Variants in NECTIN1 observed in about 807,000 individuals in gnomAD.
NECTIN1 encodes the protein nectin cell adhesion molecule 1.
Under a neutral mutation model 48.0 loss-of-function variants are expected in NECTIN1, and 23 were observed. The observed-to-expected ratio is 0.48, with a 90% CI of 0.34 to 0.68. The LOEUF (loss-of-function observed/expected upper bound fraction) is 0.68, where lower values mean the gene tolerates loss of function less well. Among genes scored for constraint, NECTIN1 ranks in the 30% least tolerant of loss-of-function variants. NECTIN1 has a pLI of 0.01. For synonymous variants in NECTIN1, 270 were observed against 288.9 expected (o/e 0.93, Z 0.66); for missense variants, 591 against 709.9 (o/e 0.83, Z 1.90).
intron 4 of NECTIN1, chr11:119,676,829 T>C (rs1864959011): frequency 6.0e-6 from 3 of 503,674 alleles, no homozygotes; most frequent in South Asian, 2.1e-5. Context: ...ACGACAAAAC[T>C]CTTTATTAGG....
chr11:119,701,567 A>G (rs1393808001), intron 1 of NECTIN1, among the ~76,000 whole-genome samples: 1 of 150,434 alleles, frequency 6.6e-6, no homozygotes, highest in Non-Finnish European at 1.5e-5. Flanking sequence ...TGGGGTTGGT[A>G]TTGTGGGGAG....
At chr11:119,681,742 G>A (rs1284648417) in intron 1 of NECTIN1, among the ~76,000 whole-genome samples, 2 of 152,204 alleles carry the variant, frequency 1.3e-5, no homozygotes, top group African/African-American at 4.8e-5. Flanking sequence ...GCAACCACAT[G>A]GTGGGGAAGT....
chr11:119,716,808 G>A (rs182420245), intron 1 of NECTIN1, among the ~76,000 whole-genome samples: 143 of 152,372 alleles, frequency 9.4e-4, no homozygotes, highest in Non-Finnish European at 6.2e-4. Context: ...GTGTGTGGGA[G>A]AAGATGGCGA....
Position 119,678,486 on chromosome 11 carries a change from C to T in NECTIN1, c.359G>A (p.Gly120Asp), listed in dbSNP as rs1389313822. ...GGTAGCAAACTCGCAGATGTAGACA[C>T]CCTCATCCTCCAGCTCCAGGCGGGA... ...RLSRLELEDE[G>D]VYICEFATFP... The change falls in exon 2 of 6, where the codon GGT becomes GAT. Residue 120 changes from glycine to aspartate, a missense_variant. Coordinates refer to ENST00000264025, the MANE Select transcript of NECTIN1 (RefSeq NM_002855.5). This position sits in a 1 kb window ranked among gnomAD's most constrained non-coding sequence, Gnocchi z 4.4. 2 of 1,614,234 alleles carry T rather than the reference C, an allele frequency of 1.2e-6. No individual in the cohort carries two copies. Among genetic ancestry groups the T allele is most frequent in the Admixed American group, 1.7e-5 (1 of 60,034 alleles).
At chr11:119,685,511 C>G (rs914608995) in intron 1 of NECTIN1, among the ~76,000 whole-genome samples, 1 of 152,224 alleles carries the variant, frequency 6.6e-6, no homozygotes, top group Non-Finnish European at 1.5e-5. Context: ...AGTCCCACCT[C>G]CCTCCAGCAG....
At chr11:119,706,352 G>A (rs1424259802) in intron 1 of NECTIN1, among the ~76,000 whole-genome samples, 1 of 152,208 alleles carries the variant, frequency 6.6e-6, no homozygotes, top group South Asian at 2.1e-4. Flanking sequence ...ATCCCACAGT[G>A]GGGAGGGCCA....
At chr11:119,648,547 C>T (rs1864446764) in intron 5 of NECTIN1, among the ~76,000 whole-genome samples, 1 of 150,466 alleles carries the variant, frequency 6.6e-6, no homozygotes, top group Non-Finnish European at 1.5e-5. Context: ...CAGCACCCAG[C>T]AGGACAGCTG....
intron 6 of NECTIN1, chr11:119,638,856 C>T (rs748491349): frequency 2.7e-6 from 4 of 1,505,342 alleles, no homozygotes; most frequent in South Asian, 1.1e-5. Flanking sequence ...CATGGGGGCT[C>T]TCCCCATCAG....
At chr11:119,694,824 C>T (rs188048422) in intron 1 of NECTIN1, among the ~76,000 whole-genome samples, 1 of 152,284 alleles carries the variant, frequency 6.6e-6, no homozygotes, top group African/African-American at 2.4e-5. Context: ...CTGCTGCCCC[C>T]CCAGGCATCT....
At chr11:119,708,636 T>A (rs10892438) in intron 1 of NECTIN1, among the ~76,000 whole-genome samples, 90,534 of 149,942 alleles carry the variant, frequency 0.6, 28,354 homozygotes, top group African/African-American at 0.74. Context: ...GGGGAGTGAC[T>A]GCTAATGAAT....
rs941598678 is a variant in NECTIN1, at chr11:119,678,464, A to G, written c.381T>C (p.Ala127=). 2.5e-6 allele frequency: 4 copies of G among 1,614,136 alleles called. No homozygotes were observed. The Admixed American group carries it at 6.7e-5, about 27-fold the overall frequency. ...TTTCTCGATTGCCCGTAGGGAAGGTAGCAAACTCGCAGATGTAGACACCCT... is the reference window on the plus strand; with the variant it reads ...TTTCTCGATTGCCCGTAGGGAAGGTGGCAAACTCGCAGATGTAGACACCCT... ...EDEGVYICEF[A]TFPTGNRESQ... Residue 127 remains alanine (A), a synonymous_variant, in exon 2 of 6, where the codon GCT becomes GCC. Transcript: ENST00000264025. The surrounding 1 kb of genome is among the most constrained non-coding windows in gnomAD (Gnocchi z 4.4).
At chr11:119,700,109 C>T (rs1252222764) in intron 1 of NECTIN1, among the ~76,000 whole-genome samples, 1 of 152,178 alleles carries the variant, frequency 6.6e-6, no homozygotes, top group Admixed American at 6.5e-5. Context: ...ATGTCTCCTG[C>T]TGGGGTGAGG....
chr11:119,647,161 A>ATGTGTGTG (rs58590467), intron 5 of NECTIN1, among the ~76,000 whole-genome samples: 2,158 of 84,648 alleles, frequency 0.025, 175 homozygotes, highest in Admixed American at 0.031. Context: ...CTTGCGGCGC[A>ATGTGTGTG]TGTGTGTGTG....
At position 119,664,590 on chromosome 11, in the gene NECTIN1, C is replaced by A; in HGVS notation, c.*157G>T. The A allele has an allele frequency of 6.9e-7, 1 of 1,439,616 alleles. No homozygotes were observed. The allele number at this position is 1,439,616 out of a possible 1,614,324, so 89.2% of individuals were successfully genotyped here. A position where few individuals can be genotyped will look rare whatever the true frequency, so the allele number is the denominator to read the frequency against. Reference sequence around the variant, plus strand: ...AAAACACAAAGCCAAGTCGTGGCTGCCCTGGGCTCCCCTGGCCCCCCAGGA... The same window carrying A: ...AAAACACAAAGCCAAGTCGTGGCTGACCTGGGCTCCCCTGGCCCCCCAGGA... On this transcript the variant is annotated 3_prime_UTR_variant, in exon 6 of 6. Coordinates refer to ENST00000264025, the MANE Select transcript of NECTIN1 (RefSeq NM_002855.5).
intron 5 of NECTIN1, among the ~76,000 whole-genome samples, chr11:119,652,597 T>C (rs1198800305): frequency 1.3e-5 from 2 of 152,218 alleles, no homozygotes; most frequent in South Asian, 2.1e-4. Flanking sequence ...TCAACATCCT[T>C]AGTCATGGGG....
chr11:119,646,946 G>T (rs1443915641), intron 5 of NECTIN1, among the ~76,000 whole-genome samples: 2 of 152,196 alleles, frequency 1.3e-5, no homozygotes, highest in African/African-American at 2.4e-5. Context: ...TGCCTAGTGA[G>T]GGTTGGTTCC....
intron 1 of NECTIN1, among the ~76,000 whole-genome samples, chr11:119,717,877 G>C (rs755655435): frequency 3.3e-5 from 5 of 152,220 alleles, no homozygotes; most frequent in Non-Finnish European, 5.9e-5. Flanking sequence ...CCTTCCTCCT[G>C]TTGCTTCCAA....
chr11:119,690,401 C>T (rs1294672669), intron 1 of NECTIN1, among the ~76,000 whole-genome samples: 4 of 152,116 alleles, frequency 2.6e-5, no homozygotes, highest in African/African-American at 7.2e-5. Context: ...CACAGACCTC[C>T]GAGCTGGGGG....
chr11:119,664,008 C>T lies in NECTIN1; in HGVS notation c.*739G>A, dbSNP rs747728817. ...GAGAGCAAGTGTGGGCTGGAGCCCA[C>T]CTGGAGCCCCTAATGGAGGGGGCAC... On this transcript the variant is annotated 3_prime_UTR_variant, in exon 6 of 6. Transcript: ENST00000264025. 5.1e-5 allele frequency: 50 copies of T among 985,776 alleles called. No individual in the cohort carries two copies. The highest frequency in any genetic ancestry group is 5.8e-5 in the Non-Finnish European group (48 of 830,400). The allele number at this position is 985,776 out of a possible 1,614,324, so 61.1% of individuals were successfully genotyped here. A position where few individuals can be genotyped will look rare whatever the true frequency, so the allele number is the denominator to read the frequency against.
Sources: allele counts gnomAD v4.1 joint callset (sites outside exome capture counted in the v4.1 genomes callset), GRCh38; gene constraint gnomAD v4.1.1; non-coding constraint Gnocchi (gnomAD v3.1); transcripts MANE v1.5; gene names NCBI Gene and HGNC (gene_info 2026-07-23, HGNC 2026-07-21).